Variants in PHACTR2 observed in about 807,000 individuals in gnomAD.
PHACTR2 encodes the protein chromosome 6 open reading frame 56.
In PHACTR2, 30 loss-of-function variants were observed where a neutral mutation model predicts 76.0. The ratio of observed to expected loss-of-function variants is 0.39; its 90% CI spans 0.30 to 0.54. PHACTR2 has a LOEUF of 0.54. PHACTR2 is among the 20% of genes least tolerant of loss of function. The pLI is 0.61. For missense variants in PHACTR2, 696 were observed against 781.1 expected, an observed-to-expected ratio of 0.89 and a Z score of 1.30; for synonymous variants, 292 against 292.5, an observed-to-expected ratio of 1.00 and a Z score of 0.02.
chr6:143,655,743 C>G (rs371139505), intron 1 of PHACTR2, among the ~76,000 whole-genome samples: 1 of 152,194 alleles, frequency 6.6e-6, no homozygotes, highest in East Asian at 1.9e-4. Context: ...ACGTTTCAGA[C>G]TTAGTTATTT....
chr6:143,752,140 TTAAC>T (rs1348759374), intron 3 of PHACTR2, among the ~76,000 whole-genome samples: 15 of 152,110 alleles, frequency 9.9e-5, no homozygotes, highest in Non-Finnish European at 1.8e-4. Flanking sequence ...AATCAGTTAT[TTAAC>T]TAAAGAATTT....
intron 1 of PHACTR2, among the ~76,000 whole-genome samples, chr6:143,577,680 A>G (rs997619958): frequency 3.3e-5 from 5 of 152,194 alleles, no homozygotes; most frequent in African/African-American, 1.2e-4. Flanking sequence ...TACAGCCTCT[A>G]AACAGTAGAT....
At chr6:143,814,880 G>T (rs1776266746) in intron 12 of PHACTR2, among the ~76,000 whole-genome samples, 1 of 152,172 alleles carries the variant, frequency 6.6e-6, no homozygotes, top group Admixed American at 6.5e-5. Context: ...GGGATTACAG[G>T]CGTGAGCCAC....
At chr6:143,644,926 C>A (rs372510038) in intron 1 of PHACTR2, among the ~76,000 whole-genome samples, 6 of 152,082 alleles carry the variant, frequency 3.9e-5, no homozygotes, top group African/African-American at 1.4e-4. Flanking sequence ...CACCCATCAC[C>A]TGAGCAGTAT....
chr6:143,714,245 A>G (rs890442847), intron 2 of PHACTR2, among the ~76,000 whole-genome samples: 1 of 152,174 alleles, frequency 6.6e-6, no homozygotes, highest in Admixed American at 6.5e-5. Context: ...AAGAAAGTTC[A>G]TTTCTTCCAA....
Position 143,794,934 on chromosome 6 carries a change from G to T in PHACTR2, c.1845+6024G>T, listed in dbSNP as rs529585787. On this transcript the variant is annotated intron_variant, in intron 11 of 12. Coordinates refer to ENST00000440869, the MANE Select transcript of PHACTR2 (RefSeq NM_001100164.2). The surrounding 1 kb of genome is among the most constrained non-coding windows in gnomAD (Gnocchi z 4.1). Reference sequence around the variant, plus strand: ...CTACCACCTTGCATTTTAAAGAGTAGTAGCCAATCAGTCAGTAATTAATCA... The same window carrying T: ...CTACCACCTTGCATTTTAAAGAGTATTAGCCAATCAGTCAGTAATTAATCA... Among the ~76,000 whole-genome samples the T allele has an allele frequency of 6.6e-6, 1 of 152,238 alleles. No individual in the cohort carries two copies. Among genetic ancestry groups the T allele is most frequent in the Non-Finnish European group, 1.5e-5 (1 of 68,028 alleles).
rs1214942193 is a variant in PHACTR2 at position 143,750,830 on chromosome 6, A to T, written c.295+1765A>T. Among the ~76,000 whole-genome samples, 1 of 152,184 alleles carries T rather than the reference A, an allele frequency of 6.6e-6. No individual in the cohort carries two copies. Among genetic ancestry groups the T allele is most frequent in the Non-Finnish European group, 1.5e-5 (1 of 68,018 alleles). ...CATAAAAGAACAAAACAATTTTTTA[A>T]CCTAAGCATAATATAATAATAGGCT... On this transcript the variant is annotated intron_variant, in intron 3 of 12. Coordinates refer to ENST00000440869, the MANE Select transcript of PHACTR2 (RefSeq NM_001100164.2). This position sits in a 1 kb window ranked among gnomAD's most constrained non-coding sequence, Gnocchi z 4.6.
intron 1 of PHACTR2, among the ~76,000 whole-genome samples, chr6:143,687,287 C>T (rs987439364): frequency 1.4e-4 from 21 of 152,120 alleles, no homozygotes; most frequent in African/African-American, 4.1e-4. Flanking sequence ...GCAAGTCACA[C>T]GTCACCTCTT....
chr6:143,790,355 T>A (rs1274789973), intron 11 of PHACTR2, among the ~76,000 whole-genome samples: 1 of 151,984 alleles, frequency 6.6e-6, no homozygotes, highest in Non-Finnish European at 1.5e-5. Context: ...GGCGGAAAAG[T>A]CAGTAACTGA....
At chr6:143,661,723 T>G (rs998030786) in intron 1 of PHACTR2, among the ~76,000 whole-genome samples, 3 of 151,964 alleles carry the variant, frequency 2.0e-5, no homozygotes, top group Admixed American at 6.6e-5. Flanking sequence ...ACCTGGCTAA[T>G]TTTTTGTATT....
At position 143,646,922 on chromosome 6, in the gene PHACTR2, A is replaced by G. The variant is rs1436840710; in HGVS notation, c.13+38600A>G. Among the ~76,000 whole-genome samples, 1 of 152,210 alleles carries G rather than the reference A, an allele frequency of 6.6e-6. No homozygotes were observed. The highest frequency in any genetic ancestry group is 2.1e-4 in the South Asian group (1 of 4,832). ...CTAACATAACAGTCTTCTGATCACGATGATTCTCTATAATCAACATTTCTT... is the reference window on the plus strand; with the variant it reads ...CTAACATAACAGTCTTCTGATCACGGTGATTCTCTATAATCAACATTTCTT... On this transcript the variant is annotated intron_variant, in intron 1 of 11. Transcript: ENST00000305766. This position sits in a 1 kb window ranked among gnomAD's most constrained non-coding sequence, Gnocchi z 4.1.
intron 2 of PHACTR2, among the ~76,000 whole-genome samples, chr6:143,745,224 A>G (rs1779030443): frequency 6.6e-6 from 1 of 152,214 alleles, no homozygotes. Context: ...GCAGGCTGCA[A>G]TAACAGCAGG....
At chr6:143,747,513 TTGGATG>T (rs1304524423) in intron 2 of PHACTR2, among the ~76,000 whole-genome samples, 1 of 152,166 alleles carries the variant, frequency 6.6e-6, no homozygotes, top group Non-Finnish European at 1.5e-5. Context: ...CCTGCTCCCT[TTGGATG>T]TGTCAGAACC....
intron 1 of PHACTR2, among the ~76,000 whole-genome samples, chr6:143,635,203 A>T (rs1464372520): frequency 6.6e-6 from 1 of 152,168 alleles, no homozygotes. Context: ...TTCACTTAAC[A>T]GTATCCATTG....
At position 143,641,765 on chromosome 6, in the gene PHACTR2, G is replaced by A. The variant is rs531556814; in HGVS notation, c.13+33443G>A. ...AGGTGATCCACTGGCCTCAGCCTCC[G>A]AAAGTGCTGGGATTACAGGTATGAG... On this transcript the variant is annotated intron_variant, in intron 1 of 11. Coordinates refer to the PHACTR2 transcript ENST00000305766. This position sits in a 1 kb window ranked among gnomAD's most constrained non-coding sequence, Gnocchi z 5.8. Among the ~76,000 whole-genome samples, 4 of 152,004 alleles carry A rather than the reference G, an allele frequency of 2.6e-5. No homozygotes were observed. The highest frequency in any genetic ancestry group is 3.9e-4 in the East Asian group (2 of 5,186).
intron 1 of PHACTR2, among the ~76,000 whole-genome samples, chr6:143,650,277 T>A (rs1337404618): frequency 6.6e-6 from 1 of 152,196 alleles, no homozygotes; most frequent in Non-Finnish European, 1.5e-5. Flanking sequence ...GAGGGATTTA[T>A]AGATTCAATG....
intron 2 of PHACTR2, among the ~76,000 whole-genome samples, chr6:143,724,042 A>T (rs1778502515): frequency 6.6e-6 from 1 of 151,162 alleles, no homozygotes; most frequent in Admixed American, 6.6e-5. Flanking sequence ...AGCTCACTGC[A>T]GCCTCTGCCT....
At chr6:143,622,263 C>G (rs1312307103) in intron 1 of PHACTR2, among the ~76,000 whole-genome samples, 2 of 152,162 alleles carry the variant, frequency 1.3e-5, no homozygotes, top group African/African-American at 4.8e-5. Flanking sequence ...CCCAAAACGT[C>G]ACACAAGGCC....
chr6:143,606,607 C>T (rs1297183642), upstream of PHACTR2, among the ~76,000 whole-genome samples: 1 of 152,164 alleles, frequency 6.6e-6, no homozygotes, highest in African/African-American at 2.4e-5. Context: ...TGTATCTTCT[C>T]TCTCTGTTAC....
Sources: gnomAD v4.1 joint callset for allele counts (sites outside exome capture counted in the v4.1 genomes callset) on GRCh38, gnomAD v4.1.1 for gene constraint, Gnocchi (gnomAD v3.1) non-coding constraint, MANE v1.5 for transcripts, NCBI Gene and HGNC (gene_info 2026-07-23, HGNC 2026-07-21) for gene names.